The following TUG1 variants were observed in gnomAD, a reference collection of about 807,000 sequenced individuals.
TUG1 encodes taurine upregulated gene 1.
chr22:30,970,194 A>G (rs533666997), exon 1 of TUG1: 2 of 152,014 alleles, frequency 1.3e-5, no homozygotes, highest in Non-Finnish European at 2.9e-5. Flanking sequence ...AATTTGTGGG[A>G]ATGTGCGTTT....
rs2041254593 is a variant in TUG1, at chr22:30,973,595, C to G, written c.*2694+8C>G. The G allele has an allele frequency of 6.6e-6, 1 of 152,194 alleles. No homozygotes were observed. The highest frequency in any genetic ancestry group is 1.5e-5 in the Non-Finnish European group (1 of 68,026). 9.4% of individuals were successfully genotyped at this position (152,194 alleles called of 1,614,324 possible). ...TTCTCTTGATACATCAAGGTAGAAC[C>G]TCTATGGTAAATCCCTCTGTTTATA... On this transcript the variant is annotated splice_region_variant and intron_variant, in intron 2 of 2. Transcript: ENST00000644773.
chr22:30,978,926 A>C (rs2041318638), exon 3 of TUG1: 1 of 152,226 alleles, frequency 6.6e-6, no homozygotes, highest in South Asian at 2.1e-4. Context: ...GACAGATCCA[A>C]GTATTTATTA....
chr22:30,971,505 G>A (rs373018312), exon 1 of TUG1: 176 of 152,772 alleles, frequency 1.2e-3, no homozygotes, highest in African/African-American at 4.2e-3. Context: ...AGTTGGAGCA[G>A]ATAACTTTCA....
chr22:30,974,735 T>A (rs992130472), intron 2 of TUG1: 1 of 152,182 alleles, frequency 6.6e-6, no homozygotes, highest in African/African-American at 2.4e-5. Flanking sequence ...TCCATGACAT[T>A]TAGCAATATA....
chr22:30,977,389 A>T (rs1602534534), exon 3 of TUG1: 1 of 152,054 alleles, frequency 6.6e-6, no homozygotes, highest in Non-Finnish European at 1.5e-5. Flanking sequence ...GGCTCTGCTG[A>T]CCCTGTCACT....
exon 1 of TUG1, chr22:30,970,255 C>G (rs1277914313): frequency 6.6e-6 from 1 of 152,132 alleles, no homozygotes; most frequent in Non-Finnish European, 1.5e-5. Context: ...GGCTGTGACC[C>G]AGAAGAGTTA....
exon 3 of TUG1, chr22:30,977,698 C>G (rs2041304993): frequency 6.6e-6 from 1 of 152,188 alleles, no homozygotes. Flanking sequence ...TTTCCTGACT[C>G]AGCTCTTGCC....
chr22:30,972,464 G>C (rs2041241453), intron 1 of TUG1: 8 of 152,062 alleles, frequency 5.3e-5, no homozygotes. Flanking sequence ...AGAGGAAGAG[G>C]GGCAATGTCT....
chr22:30,976,669 C>T (rs905763182), exon 3 of TUG1: 36 of 152,194 alleles, frequency 2.4e-4, no homozygotes, highest in African/African-American at 8.4e-4. Context: ...TATGAACTCT[C>T]AGACCAGATC....
intron 2 of TUG1, chr22:30,974,900 ACTT>A (rs1238219770): frequency 6.6e-6 from 1 of 152,216 alleles, no homozygotes; most frequent in Non-Finnish European, 1.5e-5. Context: ...CCAGCCATGG[ACTT>A]CTTGGAGTAA....
At chr22:30,975,969 C>T (rs547959256) in exon 3 of TUG1, 5 of 151,710 alleles carry the variant, frequency 3.3e-5, no homozygotes, top group Admixed American at 1.3e-4. Context: ...CCAAACTACA[C>T]ATCACTGTAT....
intron 1 of TUG1, 149 bp downstream of exon 1, chr22:30,971,928 A>T (rs1280660588): frequency 6.6e-6 from 1 of 152,200 alleles, no homozygotes; most frequent in African/African-American, 2.4e-5. Context: ...CCTCTTTTCC[A>T]TGAGTCTCCT....
intron 2 of TUG1, 122 bp downstream of exon 2, chr22:30,973,709 G>A (rs1303070388): frequency 6.6e-6 from 1 of 152,088 alleles, no homozygotes; most frequent in Non-Finnish European, 1.5e-5. Context: ...TGGAAATGAG[G>A]GAATGTAAAT....
At chr22:30,974,056 T>C (rs1334710653) in intron 2 of TUG1, 3 of 152,176 alleles carry the variant, frequency 2.0e-5, no homozygotes, top group Non-Finnish European at 4.4e-5. Flanking sequence ...AACACAAAGC[T>C]ACTTTTAGAT....
At chr22:30,977,177 CA>C (rs1470679568) in exon 3 of TUG1, 1 of 152,066 alleles carries the variant, frequency 6.6e-6, no homozygotes, top group Non-Finnish European at 1.5e-5. Context: ...ATTAGAAAAG[CA>C]AAAAACCTAA....
chr22:30,979,239 C>G (rs2147377399), exon 3 of TUG1: 1 of 152,146 alleles, frequency 6.6e-6, no homozygotes, highest in South Asian at 2.1e-4. Context: ...AATGTGTGTG[C>G]TTATGTTTAT....
In TUG1 at chr22:30,976,280, G is replaced by A. The variant is rs571479139; in HGVS notation, c.*3805G>A. Reference sequence around the variant, plus strand: ...TTTTTTAATTGCTCTGCCTTGTGCCGAGAGATGTTCTTTTAAGATGAATCT... The same window carrying A: ...TTTTTTAATTGCTCTGCCTTGTGCCAAGAGATGTTCTTTTAAGATGAATCT... On this transcript the variant is annotated 3_prime_UTR_variant, in exon 3 of 3. Transcript: ENST00000644773. 7.9e-5 allele frequency: 12 copies of A among 152,088 alleles called. 1 individual carries two copies. The highest frequency in any genetic ancestry group is 6.2e-4 in the South Asian group (3 of 4,810). 9.4% of individuals were successfully genotyped at this position (152,088 alleles called of 1,614,324 possible). A position where few individuals can be genotyped will look rare whatever the true frequency, so the allele number is the denominator to read the frequency against.
exon 1 of TUG1, chr22:30,971,318 C>G (rs2041227875): frequency 6.6e-6 from 1 of 152,136 alleles, no homozygotes; most frequent in Admixed American, 6.5e-5. Flanking sequence ...TCTTTTTGCT[C>G]TTTTGTAATT....
intron 2 of TUG1, chr22:30,973,978 A>G (rs1288563853): frequency 6.6e-6 from 1 of 152,174 alleles, no homozygotes; most frequent in Non-Finnish European, 1.5e-5. Context: ...AGGGCATAAT[A>G]TCTCCGTGGT....
Sources: gnomAD v4.1 joint callset for allele counts on GRCh38, gnomAD v4.1.1 for gene constraint, MANE v1.5 for transcripts, NCBI Gene and HGNC (gene_info 2026-07-23, HGNC 2026-07-21) for gene names.